Variants in PSD3 observed in about 807,000 individuals in gnomAD.
The protein encoded by PSD3 is pleckstrin and Sec7 domain containing 3, also known as PH and SEC7 domain-containing protein 3.
Under a neutral mutation model 105.5 loss-of-function variants are expected in PSD3, and 49 were observed. The observed-to-expected ratio is 0.46, with a 90% CI of 0.37 to 0.59. The LOEUF is 0.59. Ranked by LOEUF, PSD3 falls within the 20% of genes least tolerant of loss-of-function variation. The pLI, the probability that PSD3 is intolerant of heterozygous loss-of-function variation, is 0.00. For synonymous variants in PSD3, 557 were observed against 457.8 expected (o/e 1.22, Z -2.77); for missense variants, 1,561 against 1,263.8 (o/e 1.24, Z -3.57).
At chr8:18,748,887 G>A (rs979282103) in intron 9 of PSD3, among the ~76,000 whole-genome samples, 2 of 152,148 alleles carry the variant, frequency 1.3e-5, no homozygotes, top group Admixed American at 1.3e-4. Flanking sequence ...CAAAAGGAGA[G>A]TGGGAGACTT....
At chr8:18,628,069 CAAAT>C (rs1806621269) in intron 11 of PSD3, among the ~76,000 whole-genome samples, 1 of 151,752 alleles carries the variant, frequency 6.6e-6, no homozygotes. Context: ...TAAAAACTAT[CAAAT>C]AAAGTACTGA....
At chr8:18,655,007 C>G (rs116070389) in intron 10 of PSD3, among the ~76,000 whole-genome samples, 267 of 152,144 alleles carry the variant, frequency 1.8e-3, no homozygotes, top group African/African-American at 5.5e-3. Context: ...GCAGATTTTT[C>G]TTTTAGAATG....
At chr8:19,015,178 C>A (rs963549482), upstream of PSD3, among the ~76,000 whole-genome samples, 1 of 152,104 alleles carries the variant, frequency 6.6e-6, no homozygotes, top group Non-Finnish European at 1.5e-5. Flanking sequence ...ATGAGTCTCA[C>A]GAGATCTGAA....
chr8:18,906,306 T>A (rs913422458), intron 2 of PSD3, among the ~76,000 whole-genome samples: 1 of 152,210 alleles, frequency 6.6e-6, no homozygotes, highest in African/African-American at 2.4e-5. Context: ...GTAACTCACC[T>A]AATAAATTTT....
chr8:18,760,196 T>C (rs978801879), intron 9 of PSD3, among the ~76,000 whole-genome samples: 4 of 152,132 alleles, frequency 2.6e-5, no homozygotes, highest in African/African-American at 9.7e-5. Flanking sequence ...TGAGTACACA[T>C]ACATACTGTA....
intron 2 of PSD3, among the ~76,000 whole-genome samples, chr8:18,875,586 G>A (rs1487257897): frequency 6.6e-6 from 1 of 151,884 alleles, no homozygotes; most frequent in South Asian, 2.1e-4. Context: ...ACCCAGGCTG[G>A]AGTGCAGTGG....
chr8:18,751,012 A>T (rs1362494423), intron 9 of PSD3, among the ~76,000 whole-genome samples: 5 of 152,064 alleles, frequency 3.3e-5, no homozygotes, highest in Admixed American at 3.3e-4. Flanking sequence ...CTGCAGGTGG[A>T]GCTGCCTGCC....
intron 9 of PSD3, among the ~76,000 whole-genome samples, chr8:18,688,901 T>C (rs532296902): frequency 4.6e-5 from 7 of 152,278 alleles, no homozygotes; most frequent in African/African-American, 1.7e-4. Flanking sequence ...AGGTACAAAA[T>C]AACTTTCCAC....
chr8:19,037,311 G>C (rs996798657), intron 1 of PSD3, among the ~76,000 whole-genome samples: 1 of 152,250 alleles, frequency 6.6e-6, no homozygotes, highest in South Asian at 2.1e-4. Flanking sequence ...TGGAGATGCT[G>C]TCCAGGGAAT....
At chr8:18,704,206 A>G (rs1363599652) in intron 9 of PSD3, among the ~76,000 whole-genome samples, 2 of 152,330 alleles carry the variant, frequency 1.3e-5, no homozygotes, top group African/African-American at 4.8e-5. Flanking sequence ...CTTTACTGAA[A>G]TAAGAATGTG....
chr8:18,713,059 A>C (rs1413786913), intron 9 of PSD3, among the ~76,000 whole-genome samples: 1 of 152,200 alleles, frequency 6.6e-6, no homozygotes, highest in Non-Finnish European at 1.5e-5. Flanking sequence ...ATAGATACCA[A>C]AAAGACCTTT....
At chr8:18,850,047 A>C (rs1815438851) in intron 4 of PSD3, among the ~76,000 whole-genome samples, 1 of 152,246 alleles carries the variant, frequency 6.6e-6, no homozygotes, top group African/African-American at 2.4e-5. Flanking sequence ...GTCATCTAGG[A>C]ATTCAGTCTT....
intron 1 of PSD3, among the ~76,000 whole-genome samples, chr8:18,974,495 A>C (rs535951367): frequency 6.6e-6 from 1 of 152,288 alleles, no homozygotes; most frequent in South Asian, 2.1e-4. Flanking sequence ...TATGAAATGA[A>C]ATCAGGCTTT....
intron 10 of PSD3, among the ~76,000 whole-genome samples, chr8:18,649,997 C>T (rs10113173): frequency 0.32 from 48,474 of 152,028 alleles, 7,992 homozygotes; most frequent in Middle Eastern, 0.49. Context: ...CTTTTGTTTA[C>T]AAATTACCCA....
chr8:18,607,868 T>G (rs1397292183), intron 11 of PSD3, among the ~76,000 whole-genome samples: 1 of 152,108 alleles, frequency 6.6e-6, no homozygotes, highest in Non-Finnish European at 1.5e-5. Context: ...GAAATGATTA[T>G]GTCCTTCTTC....
intron 7 of PSD3, among the ~76,000 whole-genome samples, chr8:18,800,594 C>A (rs1390142342): frequency 3.3e-5 from 5 of 152,152 alleles, no homozygotes; most frequent in African/African-American, 1.2e-4. Context: ...ATTGCAGGAA[C>A]TGAAATGGAG....
chr8:18,821,723 A>G (rs1258243731), intron 4 of PSD3, among the ~76,000 whole-genome samples: 1 of 143,880 alleles, frequency 7.0e-6, no homozygotes, highest in Non-Finnish European at 1.5e-5. Context: ...ACACACCCCA[A>G]TAACAAAGCT....
Position 18,932,615 on chromosome 8 carries a change from C to T in PSD3, c.130+3419G>A, listed in dbSNP as rs150189661. Among the ~76,000 whole-genome samples, 630 of 152,236 alleles carry T rather than the reference C, an allele frequency of 4.1e-3. 5 individuals are homozygous for T. The highest frequency in any genetic ancestry group is 0.014 in the African/African-American group (598 of 41,524). On this transcript the variant is annotated intron_variant, in intron 2 of 15. Transcript: ENST00000327040. ...GATTCTAAATCATCTCAGCTATGTG[C>T]CTTTAGTCATGTTCTTTAATACCTC...
chr8:18,739,466 A>G (rs1477387766), intron 9 of PSD3, among the ~76,000 whole-genome samples: 2 of 152,208 alleles, frequency 1.3e-5, no homozygotes, highest in Admixed American at 6.5e-5. Context: ...AAAGTGTTCT[A>G]AAACATCTGT....
Sources: gnomAD v4.1 joint callset for allele counts (sites outside exome capture counted in the v4.1 genomes callset) on GRCh38, gnomAD v4.1.1 for gene constraint, MANE v1.5 for transcripts, NCBI Gene and HGNC (gene_info 2026-07-23, HGNC 2026-07-21) for gene names.